The following CDK14 variants were observed in gnomAD, a reference collection of about 807,000 sequenced individuals.
The protein encoded by CDK14 is cyclin dependent kinase 14.
Under a neutral mutation model 60.7 loss-of-function variants are expected in CDK14, and 34 were observed. The observed-to-expected ratio is 0.56, with a 90% confidence interval of 0.43 to 0.75. The LOEUF is 0.75. Ranked by LOEUF, CDK14 falls within the 30% of genes least tolerant of loss-of-function variation. The pLI is 0.00. For missense variants in CDK14, 482 were observed against 564.1 expected (o/e 0.85, Z 1.47); for synonymous variants, 197 against 203.7 (o/e 0.97, Z 0.28).
intron 14 of CDK14, among the ~76,000 whole-genome samples, chr7:91,147,013 T>C (rs907242463): frequency 1.3e-5 from 2 of 152,072 alleles, no homozygotes; most frequent in African/African-American, 2.4e-5. Context: ...ACAAATTGGG[T>C]GGGTGTAGAC....
chr7:91,078,707 G>A (rs938265975), intron 11 of CDK14, among the ~76,000 whole-genome samples: 1 of 152,084 alleles, frequency 6.6e-6, no homozygotes, highest in Non-Finnish European at 1.5e-5. Flanking sequence ...TGTAAAATCC[G>A]TTCAAAAAAT....
chr7:91,085,588 TG>T (rs1798617700), intron 12 of CDK14, among the ~76,000 whole-genome samples: 1 of 152,128 alleles, frequency 6.6e-6, no homozygotes, highest in Non-Finnish European at 1.5e-5. Flanking sequence ...TGGACATCTT[TG>T]GGGGCCATTT....
At chr7:91,023,749 T>G (rs535049766) in intron 10 of CDK14, among the ~76,000 whole-genome samples, 3 of 152,166 alleles carry the variant, frequency 2.0e-5, no homozygotes, top group African/African-American at 7.2e-5. Flanking sequence ...AAGTGGTTTT[T>G]TGTTTTGTTG....
chr7:91,091,324 C>T (rs1798803232), intron 12 of CDK14, among the ~76,000 whole-genome samples: 1 of 140,842 alleles, frequency 7.1e-6, no homozygotes, highest in Non-Finnish European at 1.5e-5. Flanking sequence ...TTTATGTATA[C>T]ACATATGTGT....
intron 2 of CDK14, among the ~76,000 whole-genome samples, chr7:90,664,480 A>C (rs1455705435): frequency 2.0e-5 from 3 of 152,236 alleles, no homozygotes; most frequent in African/African-American, 7.2e-5. Context: ...CCATAAAGAC[A>C]CATGGGCACG....
At chr7:90,931,442 A>G (rs141811510) in intron 8 of CDK14, among the ~76,000 whole-genome samples, 325 of 152,296 alleles carry the variant, frequency 2.1e-3, no homozygotes, top group African/African-American at 7.6e-3. Flanking sequence ...ACAGAACTCA[A>G]CACCTTTTAA....
intron 11 of CDK14, among the ~76,000 whole-genome samples, chr7:91,064,665 G>C (rs373228178): frequency 6.6e-6 from 1 of 152,084 alleles, no homozygotes; most frequent in Non-Finnish European, 1.5e-5. Flanking sequence ...TTCTAGCCTC[G>C]GTTTACCCAT....
chr7:90,977,507 G>A (rs755361511), intron 9 of CDK14, among the ~76,000 whole-genome samples: 7 of 152,014 alleles, frequency 4.6e-5, no homozygotes, highest in African/African-American at 1.2e-4. Flanking sequence ...CCTGAGAAAC[G>A]AACTCAGATA....
intron 12 of CDK14, among the ~76,000 whole-genome samples, chr7:91,111,597 T>A (rs996212161): frequency 3.3e-5 from 5 of 152,196 alleles, no homozygotes; most frequent in Admixed American, 6.6e-5. Flanking sequence ...GCTACCCAAG[T>A]GATCCACTGC....
chr7:90,702,150 G>A (rs2116617458), intron 2 of CDK14, among the ~76,000 whole-genome samples: 1 of 152,272 alleles, frequency 6.6e-6, no homozygotes, highest in East Asian at 1.9e-4. Context: ...GAAAAAATGT[G>A]CTGGCCATTC....
chr7:90,709,214 T>C (rs943817821), intron 2 of CDK14: 7 of 294,096 alleles, frequency 2.4e-5, no homozygotes, highest in Non-Finnish European at 3.7e-5. Context: ...CTCATCATAC[T>C]CCATTTGCAT....
intron 2 of CDK14, among the ~76,000 whole-genome samples, chr7:90,686,240 G>T (rs1483047790): frequency 6.6e-6 from 1 of 152,078 alleles, no homozygotes; most frequent in African/African-American, 2.4e-5. Context: ...TTTGTTTCCA[G>T]TAGTTTTTTC....
intron 14 of CDK14, among the ~76,000 whole-genome samples, chr7:91,153,138 A>G (rs1003109594): frequency 2.6e-5 from 4 of 152,200 alleles, no homozygotes; most frequent in African/African-American, 9.7e-5. Flanking sequence ...AAAGATGCAG[A>G]CATGCATTGA....
chr7:90,963,217 C>T (rs777524218), intron 9 of CDK14, among the ~76,000 whole-genome samples: 6 of 151,026 alleles, frequency 4.0e-5, no homozygotes, highest in African/African-American at 9.7e-5. Flanking sequence ...TGAGGCTAGG[C>T]GTTTGAGACC....
rs76876807 is a variant in CDK14 at position 91,041,976 on chromosome 7, A to G, written c.1042-3921A>G. Among the ~76,000 whole-genome samples the G allele has an allele frequency of 6.9e-3, 1,057 of 152,326 alleles. 8 individuals carry two copies. The highest frequency in any genetic ancestry group is 0.024 in the African/African-American group (999 of 41,572). ...GACCACAATGCGTAGACAGATGAGT[A>G]ATCTAGCAATTACCGGGTAGTGGTT... On this transcript the variant is annotated intron_variant, in intron 10 of 14. Coordinates refer to ENST00000380050, the MANE Select transcript of CDK14 (RefSeq NM_001287135.2).
intron 5 of CDK14, among the ~76,000 whole-genome samples, chr7:90,812,552 G>A (rs911804618): frequency 3.9e-5 from 6 of 152,096 alleles, no homozygotes; most frequent in Non-Finnish European, 8.8e-5. Flanking sequence ...CACCAGCATG[G>A]CACATGTATA....
intron 4 of CDK14, among the ~76,000 whole-genome samples, chr7:90,783,099 A>G (rs1194648323): frequency 6.6e-6 from 1 of 152,150 alleles, no homozygotes; most frequent in East Asian, 1.9e-4. Context: ...TATGAACTTT[A>G]TATGCCACTC....
chr7:90,621,559 A>G (rs932557459), intron 2 of CDK14, among the ~76,000 whole-genome samples: 1 of 152,202 alleles, frequency 6.6e-6, no homozygotes, highest in Non-Finnish European at 1.5e-5. Context: ...GAGAATAAAC[A>G]GATAATACTT....
chr7:91,163,180 AAAG>A (rs1295746211), intron 14 of CDK14, among the ~76,000 whole-genome samples: 1 of 152,200 alleles, frequency 6.6e-6, no homozygotes, highest in Non-Finnish European at 1.5e-5. Flanking sequence ...TGAAAGCAGC[AAAG>A]AAGATCTTCT....
Sources: allele counts gnomAD v4.1 joint callset (sites outside exome capture counted in the v4.1 genomes callset), GRCh38; gene constraint gnomAD v4.1.1; transcripts MANE v1.5; gene names NCBI Gene and HGNC (gene_info 2026-07-23, HGNC 2026-07-21).